MYO5A: variants seen among roughly 807,000 people sequenced by gnomAD.
MYO5A encodes the protein myosin VA, also known as unconventional myosin-Va.
MYO5A carries 98 observed loss-of-function variants against 249.7 expected under a neutral mutation model. The ratio of observed to expected loss-of-function variants is 0.39; its 90% CI spans 0.33 to 0.46. The LOEUF (loss-of-function observed/expected upper bound fraction) is 0.46. MYO5A is among the 20% of genes least tolerant of loss of function. The pLI, the probability that MYO5A is intolerant of heterozygous loss-of-function variation, is 0.98. For synonymous variants in MYO5A, 778 were observed against 810.6 expected, an observed-to-expected ratio of 0.96 and a Z score of 0.68; for missense variants, 1,696 against 2,308.8, an observed-to-expected ratio of 0.73 and a Z score of 5.44.
intron 34 of MYO5A, among the ~76,000 whole-genome samples, chr15:52,332,082 T>C (rs2038912644): frequency 2.0e-5 from 3 of 152,206 alleles, no homozygotes; most frequent in Non-Finnish European, 4.4e-5. Flanking sequence ...AACCTGCAGC[T>C]GCATGTAAAA....
In MYO5A at chr15:52,379,839, C is replaced by T. The variant is rs193027836; in HGVS notation, c.2082G>A (p.Ala694=). ...CGVLETIRIS[A]AGFPSRWTYQ... ...AGGCTCACCGTGAGGGGAAACCGGC[C>T]GCACTGATTCGGATGGTTTCCAGGA... The change falls in exon 17 of 42, where the codon GCG becomes GCA. Residue 694 remains alanine (A), a synonymous_variant. Coordinates refer to ENST00000399233, the MANE Select transcript of MYO5A (RefSeq NM_001382347.1). 508 of 1,614,108 alleles carry T rather than the reference C, an allele frequency of 3.1e-4. 1 individual carries two copies. The Middle Eastern group carries it at 3.6e-3, about 12-fold the overall frequency.
intron 1 of MYO5A, among the ~76,000 whole-genome samples, chr15:52,441,953 C>T (rs187597931): frequency 6.6e-6 from 1 of 152,336 alleles, no homozygotes; most frequent in African/African-American, 2.4e-5. Context: ...TCTTACCAAA[C>T]ACTCCCAAAA....
intron 36 of MYO5A, chr15:52,323,682 G>A (rs1289040841): frequency 2.4e-6 from 1 of 420,738 alleles, no homozygotes; most frequent in Non-Finnish European, 4.4e-6. Flanking sequence ...TTAAACTGAT[G>A]CGAATTTAGC....
intron 12 of MYO5A, among the ~76,000 whole-genome samples, chr15:52,389,567 T>C (rs548386056): frequency 6.6e-6 from 1 of 152,292 alleles, no homozygotes; most frequent in African/African-American, 2.4e-5. Flanking sequence ...TGAGACCTTC[T>C]CATGGGCAAC....
chr15:52,486,465 C>G (rs1464499698), intron 1 of MYO5A, among the ~76,000 whole-genome samples: 1 of 152,186 alleles, frequency 6.6e-6, no homozygotes, highest in East Asian at 1.9e-4. Context: ...ATTCAAACCT[C>G]AGCTCAAATG....
In MYO5A at chr15:52,385,906, C is replaced by G. The variant is rs117481657; in HGVS notation, c.1753-1584G>C. 2.0e-5 allele frequency among the ~76,000 whole-genome samples: 3 copies of G among 152,308 alleles called. No homozygotes were observed. In the South Asian group the frequency reaches 6.2e-4, roughly 32 times the overall value. On this transcript the variant is annotated intron_variant, in intron 14 of 41. Transcript: ENST00000399233. ...TTCAATGGAAACAATGTTACACAGACTGGCAGTCACTGCAAATGATTTGTC... is the reference window on the plus strand; with the variant it reads ...TTCAATGGAAACAATGTTACACAGAGTGGCAGTCACTGCAAATGATTTGTC...
Position 52,397,373 on chromosome 15 carries a change from C to A in MYO5A, c.1147G>T (p.Ala383Ser), listed in dbSNP as rs2042534992. 6 of 1,614,076 alleles carry A rather than the reference C, an allele frequency of 3.7e-6. No homozygotes were observed. Among genetic ancestry groups the A allele is most frequent in the Non-Finnish European group, 5.1e-6 (6 of 1,179,992 alleles). Residue 383 changes from alanine (A) to serine (S), a missense_variant, in exon 10 of 42, where the codon GCC becomes TCC. By Grantham distance (99) the Ala-to-Ser change is moderately conservative. This residue lies in a region of MYO5A where 185 missense variants were observed against 204.8 expected (regional missense o/e 0.90). Transcript: ENST00000399233. Reference protein sequence around the residue: ...HWLCHRKLATATETYIKPISK... With the variant: ...HWLCHRKLATSTETYIKPISK... ...ATGGGCTTGATGTATGTCTCTGTGG[C>A]AGTAGCCAGTTTCCGATGGCAGAGC...
At chr15:52,383,561 A>G (rs887808852) in intron 15 of MYO5A, among the ~76,000 whole-genome samples, 3 of 152,236 alleles carry the variant, frequency 2.0e-5, no homozygotes, top group African/African-American at 4.8e-5. Flanking sequence ...AAAACGTAGC[A>G]GATGACTTAA....
chr15:52,415,353 C>T (rs900193465), intron 5 of MYO5A, among the ~76,000 whole-genome samples: 1 of 152,138 alleles, frequency 6.6e-6, no homozygotes, highest in Non-Finnish European at 1.5e-5. Context: ...CTATAACTTT[C>T]CAAAAATCTT....
At chr15:52,443,098 ATTG>A (rs1245872707) in intron 1 of MYO5A, among the ~76,000 whole-genome samples, 1 of 152,012 alleles carries the variant, frequency 6.6e-6, no homozygotes, top group East Asian at 1.9e-4. Flanking sequence ...CCACCCCCAA[ATTG>A]TTCTTGGTAT....
intron 1 of MYO5A, among the ~76,000 whole-genome samples, chr15:52,498,821 A>G (rs2077094117): frequency 6.6e-6 from 1 of 152,134 alleles, no homozygotes; most frequent in Non-Finnish European, 1.5e-5. Flanking sequence ...GTTTGCCTTC[A>G]TTTGATGTTT....
intron 8 of MYO5A, among the ~76,000 whole-genome samples, chr15:52,406,434 T>C (rs1365107076): frequency 1.3e-5 from 2 of 152,222 alleles, no homozygotes; most frequent in Admixed American, 1.3e-4. Flanking sequence ...AAACTTTTAA[T>C]ATGCATATGA....
At chr15:52,405,065 A>T (rs1281591022) in intron 9 of MYO5A, among the ~76,000 whole-genome samples, 3 of 151,222 alleles carry the variant, frequency 2.0e-5, no homozygotes, top group Admixed American at 6.6e-5. Context: ...ACACACACAC[A>T]CACACACACA....
chr15:52,383,990 C>A (rs898420025), intron 15 of MYO5A, among the ~76,000 whole-genome samples, 171 bp downstream of exon 15: 15 of 152,186 alleles, frequency 9.9e-5, no homozygotes, highest in African/African-American at 3.4e-4. Context: ...AGTCACAGGT[C>A]TAAAACTGGG....
chr15:52,326,837 C>T (rs866584180), intron 36 of MYO5A, among the ~76,000 whole-genome samples: 3 of 152,052 alleles, frequency 2.0e-5, no homozygotes, highest in South Asian at 4.1e-4. Context: ...TTTGATAATC[C>T]GAAAGCAAAG....
chr15:52,460,529 CCAGGCACTCGG>C (rs1429484186), intron 1 of MYO5A, among the ~76,000 whole-genome samples: 1 of 152,190 alleles, frequency 6.6e-6, no homozygotes, highest in African/African-American at 2.4e-5. Flanking sequence ...GCCTGCAATC[CCAGGCACTCGG>C]CAGGCTGAGG....
chr15:52,488,747 T>G (rs1206077194), intron 1 of MYO5A, among the ~76,000 whole-genome samples: 1 of 150,200 alleles, frequency 6.7e-6, no homozygotes, highest in Admixed American at 6.7e-5. Context: ...AGCTGCGGGC[T>G]TGGGGGGATT....
At chr15:52,458,862 T>C (rs922202319) in intron 1 of MYO5A, among the ~76,000 whole-genome samples, 20 of 152,136 alleles carry the variant, frequency 1.3e-4, no homozygotes, top group Admixed American at 9.8e-4. Context: ...TTTAAAATAT[T>C]AGAAATTTGA....
chr15:52,405,210 A>G, intron 9 of MYO5A, 77 bp downstream of exon 9: 2 of 1,032,902 alleles, frequency 1.9e-6, no homozygotes, highest in African/African-American at 3.2e-5. Flanking sequence ...GACTTAAACT[A>G]TATTGCTTCT....
Sources: gnomAD v4.1 joint callset for allele counts (sites outside exome capture counted in the v4.1 genomes callset) on GRCh38, gnomAD v4.1.1 for gene constraint, gnomAD v4.1.1 regional missense constraint, MANE v1.5 for transcripts, NCBI Gene and HGNC (gene_info 2026-07-23, HGNC 2026-07-21) for gene names.